GABBR2: variants seen among roughly 807,000 people sequenced by gnomAD.
GABBR2 encodes the protein G-protein coupled receptor 51.
In GABBR2, 23 loss-of-function variants were observed where a neutral mutation model predicts 105.6. The ratio of observed to expected loss-of-function variants is 0.22; its 90% CI spans 0.16 to 0.31. The LOEUF is 0.31. Among genes scored for constraint, GABBR2 ranks in the 10% least tolerant of loss-of-function variants. GABBR2 has a pLI of 1.00. For missense variants in GABBR2, 734 were observed against 1,245.5 expected (o/e 0.59, Z 6.18); for synonymous variants, 478 against 499.7 (o/e 0.96, Z 0.58).
At chr9:98,472,277 T>C (rs1826699704) in intron 6 of GABBR2, among the ~76,000 whole-genome samples, 1 of 152,218 alleles carries the variant, frequency 6.6e-6, no homozygotes, top group African/African-American at 2.4e-5. Flanking sequence ...TGATCTTTGA[T>C]AAGACTTACA....
intron 13 of GABBR2, among the ~76,000 whole-genome samples, chr9:98,318,891 T>G (rs1045889901): frequency 1.3e-5 from 2 of 148,282 alleles, no homozygotes; most frequent in African/African-American, 4.9e-5. Flanking sequence ...AAATGTGAGT[T>G]TGTGTGTGTG....
At chr9:98,386,644 C>G (rs916432958) in intron 10 of GABBR2, among the ~76,000 whole-genome samples, 6 of 152,122 alleles carry the variant, frequency 3.9e-5, no homozygotes, top group East Asian at 1.9e-4. Flanking sequence ...GGTGCCTGGC[C>G]CCCCCAGCAC....
At chr9:98,697,885 A>G (rs1052303108) in intron 1 of GABBR2, among the ~76,000 whole-genome samples, 5 of 152,228 alleles carry the variant, frequency 3.3e-5, no homozygotes, top group Non-Finnish European at 7.3e-5. Flanking sequence ...CATCTGCCCC[A>G]GAGTGGGCAT....
intron 2 of GABBR2, among the ~76,000 whole-genome samples, chr9:98,572,707 C>A (rs1439437891): frequency 6.6e-6 from 1 of 152,148 alleles, no homozygotes; most frequent in East Asian, 1.9e-4. Flanking sequence ...GGCTCCCAGG[C>A]TACTCCCAGA....
intron 3 of GABBR2, among the ~76,000 whole-genome samples, chr9:98,537,201 C>T (rs1828197981): frequency 6.6e-6 from 1 of 152,204 alleles, no homozygotes; most frequent in Non-Finnish European, 1.5e-5. Flanking sequence ...CAAGGGATTA[C>T]CACTCAGCAG....
At chr9:98,569,727 T>G (rs1354073348) in intron 2 of GABBR2, among the ~76,000 whole-genome samples, 1 of 152,194 alleles carries the variant, frequency 6.6e-6, no homozygotes, top group Non-Finnish European at 1.5e-5. Context: ...GTCTCTGTTT[T>G]TCAGCCTGTA....
At chr9:98,359,814 T>A (rs1001041610) in intron 13 of GABBR2, among the ~76,000 whole-genome samples, 3 of 152,144 alleles carry the variant, frequency 2.0e-5, no homozygotes, top group Non-Finnish European at 4.4e-5. Flanking sequence ...GGCTGAGACA[T>A]GGCCCTGTCC....
intron 2 of GABBR2, among the ~76,000 whole-genome samples, chr9:98,565,261 T>C (rs1457693508): frequency 6.6e-6 from 1 of 152,104 alleles, no homozygotes; most frequent in Admixed American, 6.5e-5. Context: ...GCAAGGCTGC[T>C]CCTCTACTCT....
intron 2 of GABBR2, among the ~76,000 whole-genome samples, chr9:98,576,373 C>T (rs983530276): frequency 3.9e-5 from 6 of 152,208 alleles, no homozygotes; most frequent in African/African-American, 1.4e-4. Flanking sequence ...ACATGGAATG[C>T]GCTTCACCCA....
intron 1 of GABBR2, among the ~76,000 whole-genome samples, chr9:98,670,736 A>T (rs1830396875): frequency 6.6e-6 from 1 of 152,228 alleles, no homozygotes; most frequent in African/African-American, 2.4e-5. Flanking sequence ...TCACAAAAAG[A>T]CAAACAGTGT....
chr9:98,698,546 C>A (rs1328687428), intron 1 of GABBR2, among the ~76,000 whole-genome samples: 1 of 151,370 alleles, frequency 6.6e-6, no homozygotes, highest in African/African-American at 2.4e-5. Flanking sequence ...GTCACCCAGG[C>A]TGGAGAGCAG....
chr9:98,391,138 T>C (rs1832173298), intron 9 of GABBR2, among the ~76,000 whole-genome samples: 1 of 152,142 alleles, frequency 6.6e-6, no homozygotes, highest in African/African-American at 2.4e-5. Flanking sequence ...GGCCTGAGAC[T>C]GAGCACCAAT....
At chr9:98,406,426 C>T (rs1305152704) in intron 7 of GABBR2, among the ~76,000 whole-genome samples, 1 of 152,258 alleles carries the variant, frequency 6.6e-6, no homozygotes, top group Admixed American at 6.5e-5. Context: ...ATTAATTAAA[C>T]ACCCACGTGT....
At chr9:98,572,081 A>G (rs1828841432) in intron 2 of GABBR2, among the ~76,000 whole-genome samples, 1 of 152,196 alleles carries the variant, frequency 6.6e-6, no homozygotes, top group African/African-American at 2.4e-5. Context: ...GGCCCAGATC[A>G]GAGCCCTGCA....
intron 1 of GABBR2, among the ~76,000 whole-genome samples, chr9:98,624,337 G>T (rs927186681): frequency 1.3e-5 from 2 of 152,306 alleles, no homozygotes; most frequent in South Asian, 4.2e-4. Flanking sequence ...CACAGCCTCA[G>T]TGGGTCCTGT....
chr9:98,672,623 T>C (rs1320281501), intron 1 of GABBR2, among the ~76,000 whole-genome samples: 2 of 152,220 alleles, frequency 1.3e-5, no homozygotes, highest in African/African-American at 4.8e-5. Context: ...CTCAGCATCT[T>C]TCAAATGAAC....
In GABBR2 at chr9:98,648,707, G is replaced by A. The variant is rs369447330; in HGVS notation, c.321+59710C>T. Among the ~76,000 whole-genome samples, 46 of 152,172 alleles carry A rather than the reference G, an allele frequency of 3.0e-4. 2 individuals are homozygous for A. In the South Asian group the frequency reaches 8.5e-3, roughly 28 times the overall value. ...ATCAATTGAATAGCTTTTAAATACCGACATTCCAGGCCTTACCCCAACCCC... is the reference window on the plus strand; with the variant it reads ...ATCAATTGAATAGCTTTTAAATACCAACATTCCAGGCCTTACCCCAACCCC... On this transcript the variant is annotated intron_variant, in intron 1 of 18. Coordinates refer to ENST00000259455, the MANE Select transcript of GABBR2 (RefSeq NM_005458.8).
intron 1 of GABBR2, among the ~76,000 whole-genome samples, chr9:98,614,534 A>G (rs927648257): frequency 6.6e-6 from 1 of 152,248 alleles, no homozygotes; most frequent in African/African-American, 2.4e-5. Flanking sequence ...TCAAAAAAAT[A>G]AATTAATTAA....
intron 7 of GABBR2, among the ~76,000 whole-genome samples, chr9:98,449,383 C>T (rs1826193077): frequency 1.3e-5 from 2 of 152,034 alleles, no homozygotes; most frequent in East Asian, 3.9e-4. Flanking sequence ...ACACCCAGTG[C>T]GGGGCTTGCT....
Sources: gnomAD v4.1 joint callset for allele counts (sites outside exome capture counted in the v4.1 genomes callset) on GRCh38, gnomAD v4.1.1 for gene constraint, MANE v1.5 for transcripts, NCBI Gene and HGNC (gene_info 2026-07-23, HGNC 2026-07-21) for gene names.